ZYG11B: variants seen among roughly 807,000 people sequenced by gnomAD.
ZYG11B encodes the protein protein zyg-11 homolog B.
Under a neutral mutation model 82.4 loss-of-function variants are expected in ZYG11B, and 36 were observed. That is an observed-to-expected ratio of 0.44 (90% CI 0.33 to 0.58). The LOEUF (loss-of-function observed/expected upper bound fraction) is 0.58, where lower values mean the gene tolerates loss of function less well. Among genes scored for constraint, ZYG11B ranks in the 20% least tolerant of loss-of-function variants. ZYG11B has a pLI of 0.02. For missense variants in ZYG11B, 552 were observed against 895.6 expected (o/e 0.62, Z 4.90); for synonymous variants, 303 against 312.8 (o/e 0.97, Z 0.33).
In ZYG11B at chr1:52,813,610, C is replaced by A; in HGVS notation, c.1770C>A (p.Leu590=). 2 of 1,613,722 alleles carry A rather than the reference C, an allele frequency of 1.2e-6. No individual in the cohort carries two copies. The highest frequency in any genetic ancestry group is 2.2e-5 in the East Asian group (1 of 44,870). ...ATTTTATAGACCACATCAGTAGTCTCCTACACAGTGTGGAAGTGGAAGTCA... is the reference window on the plus strand; with the variant it reads ...ATTTTATAGACCACATCAGTAGTCTACTACACAGTGTGGAAGTGGAAGTCA... ...WKDFIDHISS[L]LHSVEVEVSY... The change falls in exon 11 of 14, where the codon CTC becomes CTA. Residue 590 remains leucine (L), a synonymous_variant. Coordinates refer to ENST00000294353, the MANE Select transcript of ZYG11B (RefSeq NM_024646.3).
chr1:52,765,203 T>TA (rs549017548), intron 2 of ZYG11B, among the ~76,000 whole-genome samples: 1 of 151,792 alleles, frequency 6.6e-6, no homozygotes, highest in East Asian at 1.9e-4. Context: ...TTTTTTTAAT[T>TA]AAAAAAAATT....
rs1225996102 is a variant in ZYG11B at position 52,825,339 on chromosome 1, G to A, written c.*3710G>A. ...GATGACTCCATGGCTACTGATATTA[G>A]TTAGTTTAGGATTTTTAAAAAGCAT... On this transcript the variant is annotated 3_prime_UTR_variant, in exon 14 of 14. Coordinates refer to ENST00000294353, the MANE Select transcript of ZYG11B (RefSeq NM_024646.3). 1 of 152,014 alleles carries A rather than the reference G, an allele frequency of 6.6e-6. No homozygotes were observed. Among genetic ancestry groups the A allele is most frequent in the African/African-American group, 2.4e-5 (1 of 41,388 alleles). The allele number at this position is 152,014 out of a possible 1,614,324, so 9.4% of individuals were successfully genotyped here.
chr1:52,784,638 G>A (rs1644897903), intron 4 of ZYG11B, among the ~76,000 whole-genome samples: 1 of 152,142 alleles, frequency 6.6e-6, no homozygotes, highest in African/African-American at 2.4e-5. Context: ...TGACCTGTGT[G>A]AAAAAGATTC....
At position 52,803,121 on chromosome 1, in the gene ZYG11B, C is replaced by CATATATATATATATATATATATATATAT. The variant is rs1183952286; in HGVS notation, c.1695+983_1695+984insTATATATATATATATATATATATATATA. On this transcript the variant is annotated intron_variant, in intron 10 of 13. Coordinates refer to ENST00000294353, the MANE Select transcript of ZYG11B (RefSeq NM_024646.3). ...ATACATATATATATATATATATACA[C>CATATATATATATATATATATATATATAT]ACATATATATATACACACATATATA... Among the ~76,000 whole-genome samples, 10 of 52,532 alleles carry CATATATATATATATATATATATATATAT rather than the reference C, an allele frequency of 1.9e-4. 1 individual carries two copies. Among genetic ancestry groups the CATATATATATATATATATATATATATAT allele is most frequent in the Admixed American group, 2.9e-4 (1 of 3,438 alleles). The allele number at this position is 52,532 out of a possible 152,430, so 34.5% of individuals were successfully genotyped here.
intron 3 of ZYG11B, among the ~76,000 whole-genome samples, chr1:52,778,606 C>T (rs1644828689): frequency 6.6e-6 from 1 of 152,078 alleles, no homozygotes; most frequent in African/African-American, 2.4e-5. Flanking sequence ...GTGATGTTAG[C>T]AGTTATTGAC....
chr1:52,803,097 T>TATATACACAC (rs1212524091), intron 10 of ZYG11B, among the ~76,000 whole-genome samples: 1 of 44,832 alleles, frequency 2.2e-5, no homozygotes, highest in African/African-American at 9.3e-5. Context: ...CATATATATA[T>TATATACACAC]ACATATATAT....
intron 1 of ZYG11B, among the ~76,000 whole-genome samples, chr1:52,732,602 TA>T (rs1279915759): frequency 2.0e-5 from 3 of 152,070 alleles, no homozygotes; most frequent in African/African-American, 2.4e-5. Flanking sequence ...CCGTCTCTAC[TA>T]AAAATAGAAA....
At position 52,803,117 on chromosome 1, in the gene ZYG11B, TACACACATATATATATAC is replaced by T. The variant is rs1558140097; in HGVS notation, c.1695+984_1695+1001del. Reference sequence around the variant, plus strand: ...ATATATACATATATATATATATATATACACACATATATATATACACACATATATATATATATACACATA... The same window carrying T: ...ATATATACATATATATATATATATATACACATATATATATATATACACATA... On this transcript the variant is annotated intron_variant, in intron 10 of 13. Coordinates refer to ENST00000294353, the MANE Select transcript of ZYG11B (RefSeq NM_024646.3). Among the ~76,000 whole-genome samples, 116 of 25,208 alleles carry T rather than the reference TACACACATATATATATAC, an allele frequency of 4.6e-3. 2 individuals carry two copies. Among genetic ancestry groups the T allele is most frequent in the African/African-American group, 0.014 (80 of 5,596 alleles). 16.5% of individuals were successfully genotyped at this position (25,208 alleles called of 152,430 possible).
At chr1:52,807,928 A>G (rs1389845172) in intron 10 of ZYG11B, among the ~76,000 whole-genome samples, 4 of 152,262 alleles carry the variant, frequency 2.6e-5, no homozygotes, top group South Asian at 2.1e-4. Flanking sequence ...TTTACCAGGT[A>G]TATAATTCTA....
chr1:52,772,086 TGA>T, intron 3 of ZYG11B: 1 of 788,348 alleles, frequency 1.3e-6, no homozygotes, highest in Non-Finnish European at 2.2e-6. Flanking sequence ...TGTCTTATGA[TGA>T]TAATGTTTAG....
At chr1:52,813,138 C>G (rs1051142941) in intron 10 of ZYG11B, among the ~76,000 whole-genome samples, 1 of 152,174 alleles carries the variant, frequency 6.6e-6, no homozygotes, top group African/African-American at 2.4e-5. Context: ...CCCTGTGTGA[C>G]TTTAGGATTT....
chr1:52,762,741 C>G (rs1180246382), intron 2 of ZYG11B, among the ~76,000 whole-genome samples: 2 of 151,840 alleles, frequency 1.3e-5, no homozygotes, highest in African/African-American at 2.4e-5. Flanking sequence ...GCCACCATGT[C>G]CAGCTAATTT....
chr1:52,793,139 C>G (rs957164925), intron 6 of ZYG11B, among the ~76,000 whole-genome samples: 1 of 151,988 alleles, frequency 6.6e-6, no homozygotes, highest in African/African-American at 2.4e-5. Context: ...CACACCCAGC[C>G]TGGAATAAGT....
intron 4 of ZYG11B, among the ~76,000 whole-genome samples, chr1:52,783,971 TACAC>T (rs201276854): frequency 1.1e-4 from 6 of 54,564 alleles, no homozygotes; most frequent in African/African-American, 7.6e-4. Context: ...TACACACATA[TACAC>T]ACACACACAC....
In ZYG11B at chr1:52,806,313, AT is replaced by A. The variant is rs1425142585; in HGVS notation, c.1695+4176del. ...TAATTAGCTTGATTAATTAACACTA[AT>A]TAATAATTAGATTGTACAGTGTCAC... On this transcript the variant is annotated intron_variant, in intron 10 of 13. Coordinates refer to ENST00000294353, the MANE Select transcript of ZYG11B (RefSeq NM_024646.3). Among the ~76,000 whole-genome samples, 5 of 152,278 alleles carry A rather than the reference AT, an allele frequency of 3.3e-5. No homozygotes were observed. The East Asian group carries it at 9.7e-4, about 29-fold the overall frequency.
chr1:52,739,751 G>A (rs574383868), intron 1 of ZYG11B, among the ~76,000 whole-genome samples: 12 of 151,530 alleles, frequency 7.9e-5, no homozygotes, highest in African/African-American at 2.2e-4. Flanking sequence ...CCTCCCAGGC[G>A]CCCACCCCCA....
intron 10 of ZYG11B, among the ~76,000 whole-genome samples, chr1:52,803,111 TATATATACAC>T: frequency 1.1e-5 from 1 of 90,724 alleles, no homozygotes; most frequent in Non-Finnish European, 1.8e-5. Flanking sequence ...TATATATATA[TATATATACAC>T]ACATATATAT....
At chr1:52,767,580 G>C (rs1644708921) in intron 2 of ZYG11B, among the ~76,000 whole-genome samples, 1 of 152,154 alleles carries the variant, frequency 6.6e-6, no homozygotes, top group Admixed American at 6.6e-5. Flanking sequence ...TGGGATTACA[G>C]GTGTGAGCCA....
At chr1:52,765,462 C>T (rs572592868) in intron 2 of ZYG11B, among the ~76,000 whole-genome samples, 1 of 152,020 alleles carries the variant, frequency 6.6e-6, no homozygotes, top group African/African-American at 2.4e-5. Context: ...CCACCTCAGC[C>T]TCCCAATTAC....
Sources: allele counts gnomAD v4.1 joint callset (sites outside exome capture counted in the v4.1 genomes callset), GRCh38; gene constraint gnomAD v4.1.1; transcripts MANE v1.5; gene names NCBI Gene and HGNC (gene_info 2026-07-23, HGNC 2026-07-21).